CCBE1: variants seen among roughly 807,000 people sequenced by gnomAD.
CCBE1 encodes the protein collagen and calcium binding EGF domains 1, also known as collagen and calcium-binding EGF domain-containing protein 1.
CCBE1 carries 37 observed loss-of-function variants against 50.0 expected under a neutral mutation model. The ratio of observed to expected loss-of-function variants is 0.74; its 90% CI spans 0.57 to 0.97. The LOEUF (loss-of-function observed/expected upper bound fraction) is 0.97. Among genes scored for constraint, CCBE1 ranks in the 50% least tolerant of loss-of-function variants. The pLI is 0.00. For missense variants in CCBE1, 538 were observed against 523.8 expected, an observed-to-expected ratio of 1.03 and a Z score of -0.26; for synonymous variants, 234 against 203.7, an observed-to-expected ratio of 1.15 and a Z score of -1.27.
intron 2 of CCBE1, among the ~76,000 whole-genome samples, chr18:59,633,641 G>C (rs11875159): frequency 0.026 from 3,900 of 152,018 alleles, 169 homozygotes; most frequent in African/African-American, 0.09. Flanking sequence ...AACATTGAGA[G>C]AACTGTCTAC....
chr18:59,504,068 C>T (rs1263830612), intron 2 of CCBE1, among the ~76,000 whole-genome samples: 2 of 152,154 alleles, frequency 1.3e-5, no homozygotes, highest in African/African-American at 4.8e-5. Context: ...TGTTAATCGC[C>T]AACTCACTCA....
intron 2 of CCBE1, among the ~76,000 whole-genome samples, chr18:59,600,601 T>C (rs1434813349): frequency 6.6e-6 from 1 of 152,104 alleles, no homozygotes; most frequent in Non-Finnish European, 1.5e-5. Flanking sequence ...TGTGGGAAGA[T>C]GAAGAAGAGG....
intron 5 of CCBE1, 153 bp from the exon 6 acceptor site, chr18:59,455,104 C>T (rs1240158887): frequency 2.8e-6 from 2 of 705,900 alleles, no homozygotes; most frequent in Non-Finnish European, 5.1e-6. Flanking sequence ...CTCTCAGGTC[C>T]TGCCAGCATG....
intron 2 of CCBE1, among the ~76,000 whole-genome samples, chr18:59,676,677 A>G (rs2054507898): frequency 6.6e-6 from 1 of 152,200 alleles, no homozygotes; most frequent in African/African-American, 2.4e-5. Flanking sequence ...TCTAGTCAGG[A>G]AAAGACACAA....
At chr18:59,472,518 A>C (rs77973946) in intron 3 of CCBE1, among the ~76,000 whole-genome samples, 2,168 of 152,326 alleles carry the variant, frequency 0.014, 35 homozygotes, top group Middle Eastern at 0.034. Flanking sequence ...ATTAATCTCA[A>C]CTTGCTCTAA....
At chr18:59,586,438 G>A (rs566380577) in intron 2 of CCBE1, among the ~76,000 whole-genome samples, 1 of 152,292 alleles carries the variant, frequency 6.6e-6, no homozygotes, top group East Asian at 1.9e-4. Flanking sequence ...ATGGGGAGTG[G>A]CCCCCACTGT....
chr18:59,607,108 A>C (rs142121763), intron 2 of CCBE1, among the ~76,000 whole-genome samples: 11 of 151,972 alleles, frequency 7.2e-5, no homozygotes, highest in African/African-American at 2.7e-4. Flanking sequence ...CAGTCAGTCC[A>C]ATCAAAGGAA....
At chr18:59,494,415 T>C (rs1314276377) in intron 2 of CCBE1, among the ~76,000 whole-genome samples, 2 of 152,056 alleles carry the variant, frequency 1.3e-5, no homozygotes, top group Admixed American at 1.3e-4. Flanking sequence ...ATTTAATCTG[T>C]AGGGCATAAG....
intron 2 of CCBE1, among the ~76,000 whole-genome samples, chr18:59,509,323 CAT>C (rs1200152754): frequency 6.6e-6 from 1 of 152,052 alleles, no homozygotes; most frequent in Non-Finnish European, 1.5e-5. Context: ...TATATATACA[CAT>C]AAATATATAT....
rs113826499 is a variant in CCBE1 at position 59,602,407 on chromosome 18, T to C, written c.212+94222A>G. 5.1e-3 allele frequency among the ~76,000 whole-genome samples: 771 copies of C among 152,292 alleles called. 12 individuals carry two copies. The highest frequency in any genetic ancestry group is 0.017 in the African/African-American group (723 of 41,562). ...TTTTCCTTCTATCAATTCATTAGAA[T>C]TGCAAAGATTCAAGGCACTGATCTT... On this transcript the variant is annotated intron_variant, in intron 2 of 10. Coordinates refer to ENST00000439986, the MANE Select transcript of CCBE1 (RefSeq NM_133459.4).
At chr18:59,526,584 CAGGTGTG>C (rs1395886757) in intron 2 of CCBE1, among the ~76,000 whole-genome samples, 3 of 152,176 alleles carry the variant, frequency 2.0e-5, no homozygotes, top group Admixed American at 2.0e-4. Context: ...GCTGGGATTA[CAGGTGTG>C]AGCCACCATG....
At chr18:59,514,360 G>T (rs1185379122) in intron 2 of CCBE1, among the ~76,000 whole-genome samples, 1 of 152,036 alleles carries the variant, frequency 6.6e-6, no homozygotes, top group Non-Finnish European at 1.5e-5. Flanking sequence ...CCATCCGCAC[G>T]TGGCCCTCCC....
At chr18:59,514,631 T>TC (rs397794701) in intron 2 of CCBE1, among the ~76,000 whole-genome samples, 1 of 146,756 alleles carries the variant, frequency 6.8e-6, no homozygotes, top group Non-Finnish European at 1.5e-5. Context: ...TTTTTTTTTT[T>TC]CTTTCCTTTC....
intron 2 of CCBE1, among the ~76,000 whole-genome samples, chr18:59,660,552 T>C (rs1599111770): frequency 6.6e-6 from 1 of 152,178 alleles, no homozygotes. Flanking sequence ...AGTTTAAGCA[T>C]TTGTTGTAAA....
At chr18:59,663,011 G>A (rs1300200921) in intron 2 of CCBE1, among the ~76,000 whole-genome samples, 1 of 137,590 alleles carries the variant, frequency 7.3e-6, no homozygotes, top group East Asian at 1.9e-4. Context: ...AGTTCAATGT[G>A]CTTCATTTTT....
intron 3 of CCBE1, among the ~76,000 whole-genome samples, chr18:59,475,966 G>A (rs144224753): frequency 0.02 from 3,041 of 152,256 alleles, 92 homozygotes; most frequent in African/African-American, 0.068. Flanking sequence ...TGATCCGCCC[G>A]CCTTGGCCTC....
intron 3 of CCBE1, among the ~76,000 whole-genome samples, chr18:59,470,381 A>T (rs660354): frequency 0.42 from 64,344 of 151,978 alleles, 13,864 homozygotes; most frequent in South Asian, 0.51. Context: ...GAGGGAATTA[A>T]GGGAGCTACA....
intron 2 of CCBE1, among the ~76,000 whole-genome samples, chr18:59,662,674 C>A (rs920002114): frequency 2.6e-5 from 4 of 152,188 alleles, no homozygotes; most frequent in African/African-American, 9.7e-5. Flanking sequence ...ACCATGAGAG[C>A]TAAGCCCAGT....
chr18:59,485,075 G>T (rs1451808315), intron 2 of CCBE1, among the ~76,000 whole-genome samples: 1 of 152,160 alleles, frequency 6.6e-6, no homozygotes, highest in Non-Finnish European at 1.5e-5. Context: ...TGTGGATTCT[G>T]GGGAGACAAT....
Sources: allele counts gnomAD v4.1 joint callset (sites outside exome capture counted in the v4.1 genomes callset), GRCh38; gene constraint gnomAD v4.1.1; transcripts MANE v1.5; gene names NCBI Gene and HGNC (gene_info 2026-07-23, HGNC 2026-07-21).